The following LRP1B variants were observed in gnomAD, a reference collection of about 807,000 sequenced individuals.
LRP1B encodes the protein low-density lipoprotein receptor-related protein 1B.
A neutral mutation model predicts 556.6 loss-of-function variants in LRP1B; 217 were observed. The observed-to-expected ratio is 0.39, with a 90% CI of 0.35 to 0.44. LRP1B has a LOEUF of 0.44. Among genes scored for constraint, LRP1B ranks in the 20% least tolerant of loss-of-function variants. The pLI, the probability that LRP1B is intolerant of heterozygous loss-of-function variation, is 1.00. For synonymous variants in LRP1B, 2,047 were observed against 1,865.8 expected (o/e 1.10, Z -2.50); for missense variants, 5,053 against 5,620.8 (o/e 0.90, Z 3.23).
intron 53 of LRP1B, among the ~76,000 whole-genome samples, chr2:140,504,694 C>T (rs1689332920): frequency 6.6e-6 from 1 of 152,114 alleles, no homozygotes; most frequent in South Asian, 2.1e-4. Flanking sequence ...ACAGCAGCAC[C>T]AATCACCAAG....
chr2:141,853,363 C>A (rs150650844), intron 1 of LRP1B, among the ~76,000 whole-genome samples: 1 of 151,626 alleles, frequency 6.6e-6, no homozygotes, highest in East Asian at 1.9e-4. Flanking sequence ...ATGATATGTA[C>A]TTTAATTGTG....
intron 1 of LRP1B, among the ~76,000 whole-genome samples, chr2:142,022,234 TA>T (rs1301873702): frequency 1.3e-5 from 2 of 151,500 alleles, no homozygotes; most frequent in Non-Finnish European, 2.9e-5. Context: ...AAGAAAAAAA[TA>T]ATGGAAAAAC....
intron 31 of LRP1B, among the ~76,000 whole-genome samples, chr2:140,824,642 T>G (rs1691443322): frequency 6.6e-6 from 1 of 152,094 alleles, no homozygotes; most frequent in Non-Finnish European, 1.5e-5. Context: ...TACATAATAT[T>G]TGTACCCTAT....
At chr2:140,870,756 A>G (rs887126769) in intron 25 of LRP1B, among the ~76,000 whole-genome samples, 7 of 152,136 alleles carry the variant, frequency 4.6e-5, no homozygotes, top group Admixed American at 4.6e-4. Context: ...ATTATTCTGT[A>G]TAATCCTTGA....
At chr2:140,936,363 G>A (rs199734140) in intron 20 of LRP1B, among the ~76,000 whole-genome samples, 21 of 91,076 alleles carry the variant, frequency 2.3e-4, no homozygotes, top group South Asian at 3.5e-4. Flanking sequence ...AAAAAAAAAA[G>A]AAAGGAAAAA....
At chr2:141,091,337 G>T (rs375439073) in intron 7 of LRP1B, among the ~76,000 whole-genome samples, 9 of 152,148 alleles carry the variant, frequency 5.9e-5, no homozygotes, top group East Asian at 5.8e-4. Context: ...TGGTGTTAGG[G>T]AGACAAGAGG....
chr2:141,446,116 T>C (rs1366322488), intron 3 of LRP1B, among the ~76,000 whole-genome samples: 1 of 152,194 alleles, frequency 6.6e-6, no homozygotes, highest in Non-Finnish European at 1.5e-5. Flanking sequence ...ATTGTGTGCA[T>C]ATATATTTAG....
intron 2 of LRP1B, among the ~76,000 whole-genome samples, chr2:141,668,060 G>A (rs796716061): frequency 1.2e-4 from 18 of 152,236 alleles, no homozygotes; most frequent in African/African-American, 4.3e-4. Context: ...ATGAAGCATG[G>A]CACCCATTTC....
chr2:140,449,768 C>T (rs754731057), intron 63 of LRP1B, among the ~76,000 whole-genome samples: 31 of 152,142 alleles, frequency 2.0e-4, no homozygotes, highest in Admixed American at 3.9e-4. Context: ...TTTCTTCTGT[C>T]TTTGTGTAGT....
At chr2:141,743,712 T>G (rs894465232) in intron 2 of LRP1B, among the ~76,000 whole-genome samples, 8 of 151,964 alleles carry the variant, frequency 5.3e-5, no homozygotes, top group Non-Finnish European at 1.0e-4. Flanking sequence ...TTTTGGAGTT[T>G]CTCATGGCTC....
intron 2 of LRP1B, among the ~76,000 whole-genome samples, chr2:141,483,425 C>G (rs187342094): frequency 0.15 from 10,966 of 73,220 alleles, 1,245 homozygotes; most frequent in Middle Eastern, 0.17. Context: ...ATAAACATAC[C>G]TGTGCATGTG....
At chr2:140,916,695 T>C (rs2105247443) in intron 21 of LRP1B, among the ~76,000 whole-genome samples, 1 of 152,244 alleles carries the variant, frequency 6.6e-6, no homozygotes, top group African/African-American at 2.4e-5. Flanking sequence ...CAAAGAAAGG[T>C]AGTCAATTAA....
intron 1 of LRP1B, among the ~76,000 whole-genome samples, chr2:141,858,360 A>T (rs1409626280): frequency 6.6e-6 from 1 of 152,208 alleles, no homozygotes; most frequent in Non-Finnish European, 1.5e-5. Context: ...CATTGTAAAT[A>T]CCTTAAGGTT....
At chr2:140,379,897 C>T (rs1216202905) in intron 67 of LRP1B, among the ~76,000 whole-genome samples, 1 of 152,032 alleles carries the variant, frequency 6.6e-6, no homozygotes, top group Non-Finnish European at 1.5e-5. Context: ...TCCTACACTC[C>T]TTTGTTTAGT....
At chr2:140,537,111 T>C (rs7567592) in intron 45 of LRP1B, among the ~76,000 whole-genome samples, 79,160 of 149,746 alleles carry the variant, frequency 0.53, 21,175 homozygotes, top group East Asian at 0.61. Context: ...GCAGAGGTTG[T>C]AGTGAGTGGA....
chr2:140,400,019 A>G (rs1044447670), intron 66 of LRP1B, among the ~76,000 whole-genome samples: 6 of 152,210 alleles, frequency 3.9e-5, no homozygotes, highest in African/African-American at 1.4e-4. Flanking sequence ...CAGAAGAACA[A>G]CAACATCTTG....
chr2:142,072,208 T>C (rs1705342241), intron 1 of LRP1B, among the ~76,000 whole-genome samples: 1 of 151,968 alleles, frequency 6.6e-6, no homozygotes, highest in South Asian at 2.1e-4. Flanking sequence ...TTTATTCCCC[T>C]ACTGATCAGA....
chr2:141,576,840 T>C (rs1251270122), intron 2 of LRP1B, among the ~76,000 whole-genome samples: 3 of 151,188 alleles, frequency 2.0e-5, no homozygotes, highest in Admixed American at 2.0e-4. Context: ...AATTTTTTTG[T>C]AGAGATGGAG....
chr2:141,747,302 C>T (rs754049578), intron 2 of LRP1B, among the ~76,000 whole-genome samples: 59 of 152,146 alleles, frequency 3.9e-4, no homozygotes, highest in Admixed American at 8.5e-4. Context: ...TCTAAAAGCC[C>T]AGCTCCACAA....
Sources: gnomAD v4.1 joint callset for allele counts (sites outside exome capture counted in the v4.1 genomes callset) on GRCh38, gnomAD v4.1.1 for gene constraint, MANE v1.5 for transcripts, NCBI Gene and HGNC (gene_info 2026-07-23, HGNC 2026-07-21) for gene names.